Variants in CAMK1D observed in about 807,000 individuals in gnomAD.
The protein encoded by CAMK1D is calcium/calmodulin-dependent protein kinase type 1D.
Under a neutral mutation model 47.7 loss-of-function variants are expected in CAMK1D, and 9 were observed. The ratio of observed to expected loss-of-function variants is 0.19; its 90% CI spans 0.11 to 0.33. The LOEUF is 0.33. Among genes scored for constraint, CAMK1D ranks in the 10% least tolerant of loss-of-function variants. The probability of loss-of-function intolerance (pLI) is 1.00; values close to 1 mark genes in which losing one functional copy is unlikely to be tolerated. For missense variants in CAMK1D, 291 were observed against 488.7 expected, an observed-to-expected ratio of 0.60 and a Z score of 3.81; for synonymous variants, 184 against 184.9, an observed-to-expected ratio of 0.99 and a Z score of 0.04.
Position 12,727,824 on chromosome 10 carries a change from C to T in CAMK1D, c.300-33124C>T, listed in dbSNP as rs143324020. ...TGTCACCTAGGCTGGAGTACAGGGG[C>T]GCGCGATCTCAGTTTGCTGCAACCT... On this transcript the variant is annotated intron_variant, in intron 3 of 10. Transcript: ENST00000619168. 1.5e-3 allele frequency among the ~76,000 whole-genome samples: 226 copies of T among 147,350 alleles called. 2 individuals are homozygous for T. Among genetic ancestry groups the T allele is most frequent in the African/African-American group, 5.3e-3 (215 of 40,346 alleles).
intron 2 of CAMK1D, among the ~76,000 whole-genome samples, chr10:12,591,211 A>T (rs1207574433): frequency 6.6e-6 from 1 of 152,164 alleles, no homozygotes; most frequent in East Asian, 1.9e-4. Flanking sequence ...ATAAAAGTGG[A>T]GTTCTGACTT....
At chr10:12,380,870 A>G (rs1051421833) in intron 1 of CAMK1D, among the ~76,000 whole-genome samples, 3 of 152,132 alleles carry the variant, frequency 2.0e-5, no homozygotes, top group Non-Finnish European at 4.4e-5. Flanking sequence ...ACAAACAAAC[A>G]AAAAAACAAA....
chr10:12,390,680 C>A (rs939363763), intron 1 of CAMK1D, among the ~76,000 whole-genome samples: 2 of 152,108 alleles, frequency 1.3e-5, no homozygotes, highest in East Asian at 3.9e-4. Context: ...TCTGTGTGTT[C>A]CCCCTTGGGT....
At chr10:12,771,911 G>GTA (rs1445697800) in intron 5 of CAMK1D, among the ~76,000 whole-genome samples, 2 of 152,138 alleles carry the variant, frequency 1.3e-5, no homozygotes, top group African/African-American at 4.8e-5. Context: ...GCTCACACCT[G>GTA]TAGTCCCAGC....
chr10:12,827,432 C>T lies in CAMK1D; in HGVS notation c.1040-1337C>T, dbSNP rs1370952983. 1.4e-4 allele frequency among the ~76,000 whole-genome samples: 17 copies of T among 119,046 alleles called. 2 individuals carry two copies. The highest frequency in any genetic ancestry group is 2.4e-4 in the Non-Finnish European group (14 of 57,458). The allele number at this position is 119,046 out of a possible 152,430, so 78.1% of individuals were successfully genotyped here. A position where few individuals can be genotyped will look rare whatever the true frequency, so the allele number is the denominator to read the frequency against. ...CTTTCTCTCTTTCTTTCCTTCCTTC[C>T]TTCCTTCTTTCTTTCTTTCTTTTCT... On this transcript the variant is annotated intron_variant, in intron 10 of 10. Coordinates refer to ENST00000619168, the MANE Select transcript of CAMK1D (RefSeq NM_153498.4).
chr10:12,570,970 G>T (rs1837306386), intron 2 of CAMK1D, among the ~76,000 whole-genome samples: 1 of 151,940 alleles, frequency 6.6e-6, no homozygotes, highest in Admixed American at 6.6e-5. Flanking sequence ...AAAGATCCAT[G>T]AGGACAGGAG....
chr10:12,710,630 G>A (rs1833902890), intron 3 of CAMK1D, among the ~76,000 whole-genome samples: 1 of 152,180 alleles, frequency 6.6e-6, no homozygotes, highest in African/African-American at 2.4e-5. Flanking sequence ...CCACCAGCAA[G>A]CTTGGATTCA....
intron 3 of CAMK1D, among the ~76,000 whole-genome samples, chr10:12,694,557 T>G (rs1207556324): frequency 3.8e-5 from 3 of 79,752 alleles, no homozygotes; most frequent in Non-Finnish European, 7.2e-5. Context: ...ATATTATATA[T>G]AAAATATATA....
At chr10:12,371,826 C>A (rs918107240) in intron 1 of CAMK1D, among the ~76,000 whole-genome samples, 2 of 151,790 alleles carry the variant, frequency 1.3e-5, no homozygotes, top group African/African-American at 4.8e-5. Flanking sequence ...ACCACCAGGC[C>A]CGGCTAATTT....
intron 3 of CAMK1D, among the ~76,000 whole-genome samples, chr10:12,717,900 A>AG (rs1834217936): frequency 6.6e-6 from 1 of 151,636 alleles, no homozygotes; most frequent in South Asian, 2.1e-4. Flanking sequence ...TCAAAAAAAA[A>AG]AAAAAAAGAA....
intron 1 of CAMK1D, among the ~76,000 whole-genome samples, chr10:12,439,252 G>T (rs896522016): frequency 1.3e-5 from 2 of 152,168 alleles, no homozygotes; most frequent in African/African-American, 2.4e-5. Flanking sequence ...GGCTGAAAAG[G>T]CTGCATACGT....
At chr10:12,704,580 T>C (rs79763600) in intron 3 of CAMK1D, among the ~76,000 whole-genome samples, 2,230 of 152,252 alleles carry the variant, frequency 0.015, 55 homozygotes, top group African/African-American at 0.051. Flanking sequence ...AAAGAAAGAT[T>C]ACCCCAAGAA....
At chr10:12,636,158 T>C (rs1444234905) in intron 2 of CAMK1D, among the ~76,000 whole-genome samples, 1 of 152,242 alleles carries the variant, frequency 6.6e-6, no homozygotes, top group Non-Finnish European at 1.5e-5. Flanking sequence ...TCTGCAGAGC[T>C]CTTTTCATCT....
chr10:12,560,127 A>C (rs376880281), intron 2 of CAMK1D, among the ~76,000 whole-genome samples: 2 of 152,032 alleles, frequency 1.3e-5, no homozygotes, highest in African/African-American at 2.4e-5. Flanking sequence ...ACGTCGATGA[A>C]CTCTGGAAAT....
intron 2 of CAMK1D, among the ~76,000 whole-genome samples, chr10:12,553,775 T>C (rs912383710): frequency 2.6e-5 from 4 of 152,232 alleles, no homozygotes; most frequent in Non-Finnish European, 5.9e-5. Flanking sequence ...ACTCGCCACA[T>C]AGGAAGTGCT....
chr10:12,523,988 T>C, intron 1 of CAMK1D, among the ~76,000 whole-genome samples: 1 of 151,978 alleles, frequency 6.6e-6, no homozygotes, highest in South Asian at 2.1e-4. Flanking sequence ...GCTTCCCGGG[T>C]TCACACCATT....
At chr10:12,583,399 G>A (rs908999561) in intron 2 of CAMK1D, among the ~76,000 whole-genome samples, 5 of 152,128 alleles carry the variant, frequency 3.3e-5, no homozygotes, top group Admixed American at 2.6e-4. Context: ...AGTCAGCTAT[G>A]TTTTAGGATA....
intron 3 of CAMK1D, among the ~76,000 whole-genome samples, chr10:12,696,689 G>A (rs868632994): frequency 6.6e-6 from 1 of 152,138 alleles, no homozygotes; most frequent in Non-Finnish European, 1.5e-5. Flanking sequence ...CATTACTGGC[G>A]GAATTCTACC....
intron 3 of CAMK1D, among the ~76,000 whole-genome samples, chr10:12,720,243 A>G (rs1314930602): frequency 2.6e-5 from 4 of 152,242 alleles, no homozygotes; most frequent in African/African-American, 2.4e-5. Flanking sequence ...ATTAGGGTAT[A>G]AAAGAACCCA....
Sources: gnomAD v4.1 joint callset for allele counts (sites outside exome capture counted in the v4.1 genomes callset) on GRCh38, gnomAD v4.1.1 for gene constraint, MANE v1.5 for transcripts, NCBI Gene and HGNC (gene_info 2026-07-23, HGNC 2026-07-21) for gene names.